FANCC: variants seen among roughly 807,000 people sequenced by gnomAD.
FANCC encodes FA complementation group C, also known as Fanconi anemia group C protein.
A neutral mutation model predicts 71.3 loss-of-function variants in FANCC; 55 were observed. The observed-to-expected ratio is 0.77, with a 90% CI of 0.62 to 0.97. The LOEUF (loss-of-function observed/expected upper bound fraction) is 0.97, where lower values mean the gene tolerates loss of function less well. Among genes scored for constraint, FANCC ranks in the 50% least tolerant of loss-of-function variants. The pLI is 0.00. For synonymous variants in FANCC, 275 were observed against 244.9 expected, an observed-to-expected ratio of 1.12 and a Z score of -1.15; for missense variants, 678 against 670.9, an observed-to-expected ratio of 1.01 and a Z score of -0.12.
chr9:95,123,129 A>C (rs371361958), intron 10 of FANCC, among the ~76,000 whole-genome samples: 5 of 151,804 alleles, frequency 3.3e-5, no homozygotes, highest in African/African-American at 4.8e-5. Context: ...GAGAGACTCT[A>C]TCTCTACAAA....
chr9:95,149,465 T>C (rs10115247), intron 7 of FANCC, among the ~76,000 whole-genome samples: 74,562 of 151,838 alleles, frequency 0.49, 18,864 homozygotes, highest in East Asian at 0.63. Flanking sequence ...AAATAAAATG[T>C]TTTGGGATCC....
chr9:95,109,560 A>T (rs557188190), intron 13 of FANCC: 19 of 151,896 alleles, frequency 1.3e-4, no homozygotes, highest in African/African-American at 4.6e-4. Flanking sequence ...GCAAAAGGAG[A>T]TGAACTCTGG....
rs535423362 is a variant in FANCC at position 95,198,849 on chromosome 9, C to T, written c.346-26702G>A. Among the ~76,000 whole-genome samples, 4 of 151,986 alleles carry T rather than the reference C, an allele frequency of 2.6e-5. No homozygotes were observed. The East Asian group carries it at 5.8e-4, about 22-fold the overall frequency. On this transcript the variant is annotated intron_variant, in intron 4 of 14. Transcript: ENST00000289081. ...ACCTCCTGGGCTCAGGTGATCCTCC[C>T]GCCTCAGCCTCCCAAGTAGCTAGGA...
At chr9:95,265,826 C>T (rs1832351915) in intron 1 of FANCC, among the ~76,000 whole-genome samples, 2 of 152,088 alleles carry the variant, frequency 1.3e-5, no homozygotes, top group South Asian at 2.1e-4. Context: ...AAAATCACTG[C>T]AAATAAAAAG....
At chr9:95,284,363 G>A (rs968275000) in intron 1 of FANCC, among the ~76,000 whole-genome samples, 8 of 152,212 alleles carry the variant, frequency 5.3e-5, no homozygotes, top group African/African-American at 1.9e-4. Flanking sequence ...AGATGGATAA[G>A]ACAGTTTGGT....
At chr9:95,314,824 G>T (rs1180169844) in intron 1 of FANCC, among the ~76,000 whole-genome samples, 2 of 151,936 alleles carry the variant, frequency 1.3e-5, no homozygotes, top group African/African-American at 2.4e-5. Context: ...AAATTAAAGC[G>T]CTCAACAAAT....
chr9:95,175,494 T>C (rs764245300), intron 4 of FANCC, among the ~76,000 whole-genome samples: 4 of 152,122 alleles, frequency 2.6e-5, no homozygotes, highest in Non-Finnish European at 5.9e-5. Flanking sequence ...CTGCCGCAAA[T>C]ACAGAAAGCA....
At chr9:95,203,223 C>T (rs1314150535) in intron 4 of FANCC, among the ~76,000 whole-genome samples, 1 of 151,832 alleles carries the variant, frequency 6.6e-6, no homozygotes, top group Non-Finnish European at 1.5e-5. Context: ...ATAGCAAGAC[C>T]CCATCTTTAC....
chr9:95,167,445 T>C (rs1034904422), intron 6 of FANCC, among the ~76,000 whole-genome samples: 3 of 152,170 alleles, frequency 2.0e-5, no homozygotes, highest in African/African-American at 7.2e-5. Flanking sequence ...GTGTGTATTG[T>C]TCCATTTGAT....
At chr9:95,184,713 G>C (rs1826600319) in intron 4 of FANCC, among the ~76,000 whole-genome samples, 2 of 152,198 alleles carry the variant, frequency 1.3e-5, no homozygotes, top group Admixed American at 1.3e-4. Context: ...GAAGCAAGGG[G>C]CCAAGAACAG....
At position 95,197,269 on chromosome 9, in the gene FANCC, G is replaced by A. The variant is rs574622531; in HGVS notation, c.346-25122C>T. ...AAGCCAACTATAGCCAAGTGCAGTG[G>A]CTCACACCTGTAATCCCAGCACCTT... On this transcript the variant is annotated intron_variant, in intron 4 of 14. Transcript: ENST00000289081. Among the ~76,000 whole-genome samples, 5 of 152,304 alleles carry A rather than the reference G, an allele frequency of 3.3e-5. No individual in the cohort carries two copies. The East Asian group carries it at 9.6e-4, about 29-fold the overall frequency.
At chr9:95,250,816 C>T (rs1051600382) in intron 1 of FANCC, among the ~76,000 whole-genome samples, 8 of 152,220 alleles carry the variant, frequency 5.3e-5, no homozygotes, top group Admixed American at 3.3e-4. Context: ...TGGGCCTGCC[C>T]GTCTCCAATT....
chr9:95,135,576 A>G, intron 7 of FANCC, 74 bp from the exon 8 acceptor site: 1 of 1,277,942 alleles, frequency 7.8e-7, no homozygotes, highest in Non-Finnish European at 1.1e-6. Flanking sequence ...AAAGTTCAAA[A>G]TGCAATCACT....
intron 4 of FANCC, among the ~76,000 whole-genome samples, chr9:95,204,514 G>A (rs532518434): frequency 6.6e-6 from 1 of 152,264 alleles, no homozygotes; most frequent in African/African-American, 2.4e-5. Context: ...TTGTGTGTAG[G>A]CGGGTTGGCC....
chr9:95,129,726 C>T (rs1826591363), intron 8 of FANCC, among the ~76,000 whole-genome samples: 1 of 152,196 alleles, frequency 6.6e-6, no homozygotes, highest in Non-Finnish European at 1.5e-5. Context: ...TCGAGGGGAG[C>T]TATGTCAGCA....
chr9:95,149,609 G>C lies in FANCC; in HGVS notation c.686+314C>G, dbSNP rs139844070. On this transcript the variant is annotated intron_variant, in intron 7 of 14. Transcript: ENST00000289081. ...TCCTCCTGACTCAGCCCCCCTAGTA[G>C]CTGGGATTAGAGGCACACACCACCA... 4.6e-5 allele frequency among the ~76,000 whole-genome samples: 7 copies of C among 151,984 alleles called. No individual in the cohort carries two copies. In the East Asian group the frequency reaches 9.7e-4, roughly 21 times the overall value.
chr9:95,115,694 G>A (rs1011445776), intron 11 of FANCC, among the ~76,000 whole-genome samples: 3 of 152,202 alleles, frequency 2.0e-5, no homozygotes, highest in East Asian at 1.9e-4. Flanking sequence ...AAGGTAAGGC[G>A]AGTGATGGAC....
chr9:95,308,807 T>A (rs1404445704), intron 1 of FANCC, among the ~76,000 whole-genome samples: 3 of 152,204 alleles, frequency 2.0e-5, no homozygotes, highest in African/African-American at 7.2e-5. Context: ...AATTTCTAGC[T>A]TTTAATACCT....
At chr9:95,248,049 T>C (rs1831105572) in intron 2 of FANCC, among the ~76,000 whole-genome samples, 1 of 152,248 alleles carries the variant, frequency 6.6e-6, no homozygotes, top group South Asian at 2.1e-4. Context: ...TATTACTATT[T>C]TGAGTACTGT....
Sources: allele counts gnomAD v4.1 joint callset (sites outside exome capture counted in the v4.1 genomes callset), GRCh38; gene constraint gnomAD v4.1.1; transcripts MANE v1.5; gene names NCBI Gene and HGNC (gene_info 2026-07-23, HGNC 2026-07-21).